The following TGFBR2 variants were observed in gnomAD, a reference collection of about 807,000 sequenced individuals.
TGFBR2 encodes the protein transforming growth factor beta receptor 2, also known as TGF-beta receptor type-2.
In TGFBR2, 18 loss-of-function variants were observed where a neutral mutation model predicts 49.0. That is an observed-to-expected ratio of 0.37 (90% CI 0.25 to 0.54). The LOEUF (loss-of-function observed/expected upper bound fraction) is 0.54. Among genes scored for constraint, TGFBR2 ranks in the 20% least tolerant of loss-of-function variants. The pLI is 0.85. For missense variants in TGFBR2, 525 were observed against 722.6 expected (o/e 0.73, Z 3.13); for synonymous variants, 282 against 275.9 (o/e 1.02, Z -0.22).
chr3:30,688,206 C>T (rs1699656471), intron 5 of TGFBR2, among the ~76,000 whole-genome samples, 178 bp from the exon 6 acceptor site: 1 of 152,224 alleles, frequency 6.6e-6, no homozygotes, highest in Non-Finnish European at 1.5e-5. Flanking sequence ...TAGCCCTTCC[C>T]CAACCACTCC....
intron 3 of TGFBR2, among the ~76,000 whole-genome samples, chr3:30,662,425 G>A (rs1183141024): frequency 6.6e-6 from 1 of 152,190 alleles, no homozygotes; most frequent in Non-Finnish European, 1.5e-5. Flanking sequence ...CTGTGCCATG[G>A]GATAGGAGAG....
chr3:30,650,438 T>C lies in TGFBR2; in HGVS notation c.432T>C (p.Asn144=). The change falls in exon 3 of 7, where the codon AAT becomes AAC. Residue 144 remains asparagine, a synonymous_variant. Transcript: ENST00000295754. ...FMCSCSSDEC[N]DNIIFSEEYN... is the part of the protein sequence containing the mutation. ...GTTCCTGTAGCTCTGATGAGTGCAA[T>C]GACAACATCATCTTCTCAGAAGGTG... The C allele has an allele frequency of 6.2e-7, 1 of 1,614,062 alleles. No homozygotes were observed. The highest frequency in any genetic ancestry group is 8.5e-7 in the Non-Finnish European group (1 of 1,179,954).
chr3:30,664,149 AT>A (rs35145271), intron 3 of TGFBR2, among the ~76,000 whole-genome samples: 58,270 of 146,568 alleles, frequency 0.4, 11,792 homozygotes, highest in African/African-American at 0.45. Context: ...CATCCAGCTA[AT>A]TTTTTTTTTT....
At position 30,693,586 on chromosome 3, in the gene TGFBR2, T is replaced by A. The variant is rs188109487; in HGVS notation, c.*1987T>A. On this transcript the variant is annotated 3_prime_UTR_variant, in exon 7 of 7. Transcript: ENST00000295754. ...TTGGAAATAGAACCTCTAGGCACCC[T>A]CCTCAGTGTGGGTGGGCTGAGAGTT... The A allele has an allele frequency of 2.7e-4, 64 of 233,390 alleles. No homozygotes were observed. Among genetic ancestry groups the A allele is most frequent in the Admixed American group, 6.2e-4 (11 of 17,774 alleles). The allele number at this position is 233,390 out of a possible 1,614,324, so 14.5% of individuals were successfully genotyped here.
intron 3 of TGFBR2, 78 bp downstream of exon 3, chr3:30,650,538 A>G (rs1407831177): frequency 1.4e-6 from 2 of 1,448,856 alleles, no homozygotes; most frequent in Admixed American, 1.7e-5. Context: ...AGTGTCATAG[A>G]GCACATTCCT....
intron 1 of TGFBR2, among the ~76,000 whole-genome samples, chr3:30,623,565 C>G (rs1413353723): frequency 6.6e-6 from 1 of 152,136 alleles, no homozygotes; most frequent in African/African-American, 2.4e-5. Flanking sequence ...TTCCCCTTTT[C>G]TTATGGGGAC....
chr3:30,648,781 T>C (rs1478327279), intron 2 of TGFBR2, among the ~76,000 whole-genome samples: 2 of 152,136 alleles, frequency 1.3e-5, no homozygotes, highest in Non-Finnish European at 2.9e-5. Flanking sequence ...GAGTCAACTC[T>C]GGGCTGCATG....
rs751475184 is a variant in TGFBR2, at chr3:30,688,442, A to G, written c.1455A>G (p.Glu485=). 6.2e-7 allele frequency: 1 copy of G among 1,614,214 alleles called. No homozygotes were observed. The stretch of plus-strand genomic sequence containing the variant: ...AGGTGCGGGAGCACCCCTGTGTCGA[A>G]AGCATGAAGGACAACGTGTTGAGAG... ...GSKVREHPCV[E]SMKDNVLRDR... Residue 485 remains glutamate (E), a synonymous_variant, in exon 6 of 7, where the codon GAA becomes GAG. Transcript: ENST00000295754.
intron 5 of TGFBR2, 112 bp downstream of exon 5, chr3:30,674,358 A>C (rs1445305167): frequency 7.1e-7 from 1 of 1,399,412 alleles, no homozygotes; most frequent in African/African-American, 1.4e-5. Context: ...GAGCTAGTTG[A>C]GATCTGATAT....
At position 30,606,828 on chromosome 3, in the gene TGFBR2, G is replaced by A. The variant is rs925247711; in HGVS notation, c.-56G>A. On this transcript the variant is annotated 5_prime_UTR_variant, in exon 1 of 7. Coordinates refer to ENST00000295754, the MANE Select transcript of TGFBR2 (RefSeq NM_003242.6). ...CGCGGAGGCGCAGCCAGGGGTCCGG[G>A]AAGGCGCCGTCCGCTGCGCTGGGGG... 1 of 1,259,292 alleles carries A rather than the reference G, an allele frequency of 7.9e-7. No individual in the cohort carries two copies. The highest frequency in any genetic ancestry group is 2.4e-5 in the South Asian group (1 of 42,280). The allele number at this position is 1,259,292 out of a possible 1,614,324, so 78.0% of individuals were successfully genotyped here. A position where few individuals can be genotyped will look rare whatever the true frequency, so the allele number is the denominator to read the frequency against.
intron 3 of TGFBR2, among the ~76,000 whole-genome samples, chr3:30,663,345 G>GT (rs1699182249): frequency 6.6e-6 from 1 of 152,126 alleles, no homozygotes; most frequent in Non-Finnish European, 1.5e-5. Context: ...AAAATTGATT[G>GT]TTTTGCCTCT....
Position 30,669,048 on chromosome 3 carries a change from C to T in TGFBR2, c.455-2590C>T, listed in dbSNP as rs934273272. On this transcript the variant is annotated intron_variant, in intron 3 of 6. Transcript: ENST00000295754. The stretch of plus-strand genomic sequence containing the variant: ...ATCCCAGCACTTTTGGAGGCCAAGG[C>T]GGGCAGATCACAAGGTCAGGAGTTC... 5.7e-5 allele frequency among the ~76,000 whole-genome samples: 8 copies of T among 140,610 alleles called. 1 individual carries two copies. The highest frequency in any genetic ancestry group is 1.6e-4 in the African/African-American group (6 of 37,412). 92.2% of individuals were successfully genotyped at this position (140,610 alleles called of 152,430 possible).
intron 1 of TGFBR2, among the ~76,000 whole-genome samples, chr3:30,608,170 C>T (rs1273103356): frequency 2.6e-5 from 4 of 152,038 alleles, no homozygotes; most frequent in Non-Finnish European, 4.4e-5. Flanking sequence ...ATCTCTTGAC[C>T]TCGTGATCCG....
chr3:30,683,729 C>G (rs1181521195), intron 5 of TGFBR2, among the ~76,000 whole-genome samples: 1 of 152,172 alleles, frequency 6.6e-6, no homozygotes, highest in Non-Finnish European at 1.5e-5. Flanking sequence ...AAAGATTTTG[C>G]CAAAGTGGAT....
At chr3:30,677,703 G>A (rs534407208) in intron 5 of TGFBR2, among the ~76,000 whole-genome samples, 3 of 152,352 alleles carry the variant, frequency 2.0e-5, no homozygotes, top group South Asian at 4.1e-4. Context: ...CACGAAGCCT[G>A]AAGACAGATG....
intron 1 of TGFBR2, among the ~76,000 whole-genome samples, chr3:30,630,741 A>G (rs1365707953): frequency 1.3e-5 from 2 of 152,154 alleles, no homozygotes; most frequent in Non-Finnish European, 2.9e-5. Flanking sequence ...TCCCACATAA[A>G]AGGGCTGGAG....
In TGFBR2 at chr3:30,674,116, A is replaced by G. The variant is rs2228047; in HGVS notation, c.1266A>G (p.Ala422=). 8,698 of 1,614,134 alleles carry G rather than the reference A, an allele frequency of 5.4e-3. 377 individuals carry two copies. In the African/African-American group the frequency reaches 0.1, roughly 19 times the overall value. The part of the protein sequence containing the change: ...DLANSGQVGT[A]RYMAPEVLES... ...TGTTTTTGCTATAGGTGGGAACTGCAAGATACATGGCTCCAGAAGTCCTAG... is the reference window on the plus strand; with the variant it reads ...TGTTTTTGCTATAGGTGGGAACTGCGAGATACATGGCTCCAGAAGTCCTAG... The change falls in exon 5 of 7, where the codon GCA becomes GCG. Residue 422 remains alanine, a synonymous_variant. Coordinates refer to ENST00000295754, the MANE Select transcript of TGFBR2 (RefSeq NM_003242.6).
chr3:30,685,801 G>T (rs1292431113), intron 5 of TGFBR2, among the ~76,000 whole-genome samples: 1 of 152,234 alleles, frequency 6.6e-6, no homozygotes, highest in Admixed American at 6.5e-5. Context: ...TGTGGCAGCT[G>T]TAGGCTGCTG....
At chr3:30,637,299 A>G (rs1559454016) in intron 1 of TGFBR2, among the ~76,000 whole-genome samples, 1 of 152,200 alleles carries the variant, frequency 6.6e-6, no homozygotes, top group African/African-American at 2.4e-5. Flanking sequence ...TGCTAGGCCC[A>G]AAGTGGCAAG....
Sources: allele counts gnomAD v4.1 joint callset (sites outside exome capture counted in the v4.1 genomes callset), GRCh38; gene constraint gnomAD v4.1.1; transcripts MANE v1.5; gene names NCBI Gene and HGNC (gene_info 2026-07-23, HGNC 2026-07-21).